The following CFAP299 variants were observed in gnomAD, a reference collection of about 807,000 sequenced individuals.
CFAP299 encodes the protein cilia- and flagella-associated protein 299.
In CFAP299, 21 loss-of-function variants were observed where a neutral mutation model predicts 27.0. That is an observed-to-expected ratio of 0.78 (90% CI 0.55 to 1.12). The LOEUF is 1.12. Ranked by LOEUF, CFAP299 falls within the 50% of genes most tolerant of loss-of-function variation. The pLI is 0.00. For synonymous variants in CFAP299, 104 were observed against 98.1 expected (o/e 1.06, Z -0.36); for missense variants, 310 against 276.6 (o/e 1.12, Z -0.86).
At chr4:80,889,683 G>A (rs566490411) in intron 4 of CFAP299, among the ~76,000 whole-genome samples, 3 of 151,946 alleles carry the variant, frequency 2.0e-5, no homozygotes, top group East Asian at 1.9e-4. Context: ...ATGGAAAACT[G>A]CAGGCCAATA....
At chr4:80,680,705 A>G (rs1339422353) in intron 3 of CFAP299, among the ~76,000 whole-genome samples, 4 of 152,156 alleles carry the variant, frequency 2.6e-5, no homozygotes, top group Non-Finnish European at 1.5e-5. Context: ...AGAAGAAAGA[A>G]TTTTCTAAAT....
At chr4:80,375,310 G>A (rs993880988) in intron 2 of CFAP299, among the ~76,000 whole-genome samples, 1 of 151,970 alleles carries the variant, frequency 6.6e-6, no homozygotes, top group African/African-American at 2.4e-5. Context: ...CATTGTTCTT[G>A]TATTCATTAT....
intron 3 of CFAP299, among the ~76,000 whole-genome samples, chr4:80,676,247 A>T (rs969277107): frequency 6.6e-6 from 1 of 152,170 alleles, no homozygotes; most frequent in African/African-American, 2.4e-5. Context: ...TGTTAGTGTG[A>T]TGTATCACAT....
intron 4 of CFAP299, among the ~76,000 whole-genome samples, chr4:80,885,987 G>A (rs973388448): frequency 3.3e-5 from 5 of 152,156 alleles, no homozygotes; most frequent in Admixed American, 3.3e-4. Context: ...CTTGAAGGGT[G>A]AGTCCCAGGC....
chr4:80,713,481 A>G (rs1157146647), intron 3 of CFAP299, among the ~76,000 whole-genome samples: 1 of 152,234 alleles, frequency 6.6e-6, no homozygotes, highest in African/African-American at 2.4e-5. Context: ...GTGGGAGGCT[A>G]TTAGAAGAAT....
At chr4:80,534,800 T>G (rs1049493471) in intron 2 of CFAP299, among the ~76,000 whole-genome samples, 5 of 152,176 alleles carry the variant, frequency 3.3e-5, no homozygotes, top group Admixed American at 1.3e-4. Context: ...GATATTATAA[T>G]GGCATCAGCC....
intron 2 of CFAP299, among the ~76,000 whole-genome samples, chr4:80,377,583 C>G (rs947951889): frequency 1.3e-5 from 2 of 151,686 alleles, no homozygotes; most frequent in African/African-American, 4.8e-5. Flanking sequence ...GGTTCCCTTG[C>G]TTTTCCATAT....
intron 3 of CFAP299, among the ~76,000 whole-genome samples, chr4:80,623,904 C>T (rs1560662489): frequency 6.6e-6 from 1 of 152,136 alleles, no homozygotes; most frequent in African/African-American, 2.4e-5. Context: ...CTAGACATCC[C>T]TTGTGGCAGG....
At chr4:80,429,559 A>G (rs966191819) in intron 2 of CFAP299, among the ~76,000 whole-genome samples, 42 of 152,084 alleles carry the variant, frequency 2.8e-4, no homozygotes, top group African/African-American at 9.9e-4. Context: ...TGTGAGCTCA[A>G]TTTTATGGAA....
At chr4:80,502,349 A>C (rs889816684) in intron 2 of CFAP299, among the ~76,000 whole-genome samples, 1 of 152,112 alleles carries the variant, frequency 6.6e-6, no homozygotes, top group Admixed American at 6.6e-5. Context: ...ATCAGTTTAC[A>C]TTAATGCCAT....
chr4:80,567,731 T>TTATATATATATATATATATATATA (rs10605376), intron 2 of CFAP299, among the ~76,000 whole-genome samples: 72 of 148,798 alleles, frequency 4.8e-4, no homozygotes, highest in African/African-American at 1.7e-3. Context: ...TCTAATGTAT[T>TTATATATATATATATATATATATA]TATATATATA....
intron 3 of CFAP299, among the ~76,000 whole-genome samples, chr4:80,844,900 A>C (rs1731085344): frequency 6.6e-6 from 1 of 152,178 alleles, no homozygotes; most frequent in African/African-American, 2.4e-5. Flanking sequence ...CTAACATGTA[A>C]GCCTTTAATC....
At chr4:80,436,592 G>A (rs1028253988) in intron 2 of CFAP299, among the ~76,000 whole-genome samples, 3 of 152,142 alleles carry the variant, frequency 2.0e-5, no homozygotes, top group Non-Finnish European at 4.4e-5. Flanking sequence ...GTGAGCCACC[G>A]TGCCTGGCCA....
rs542789290 is a variant in CFAP299, at chr4:80,857,664, T to C, written c.334-12329T>C. On this transcript the variant is annotated intron_variant, in intron 3 of 5. Coordinates refer to ENST00000358105, the MANE Select transcript of CFAP299 (RefSeq NM_152770.3). Reference sequence around the variant, plus strand: ...CCTTTTCTGCATCTATTGAGATAATTATGTGGTTTTTGTCTTTGGTTCTGT... The same window carrying C: ...CCTTTTCTGCATCTATTGAGATAATCATGTGGTTTTTGTCTTTGGTTCTGT... Among the ~76,000 whole-genome samples, 588 of 152,224 alleles carry C rather than the reference T, an allele frequency of 3.9e-3. 1 individual carries two copies. The highest frequency in any genetic ancestry group is 0.014 in the Middle Eastern group (4 of 294).
chr4:80,933,953 T>C (rs1736758691), intron 4 of CFAP299, among the ~76,000 whole-genome samples: 4 of 152,166 alleles, frequency 2.6e-5, no homozygotes. Flanking sequence ...GGCTAGGTCT[T>C]ACAGCACTAC....
intron 2 of CFAP299, among the ~76,000 whole-genome samples, chr4:80,413,750 C>CTTTTTTGTTTTTTTTTTTT (rs1726847653): frequency 9.2e-6 from 1 of 108,310 alleles, no homozygotes; most frequent in Non-Finnish European, 1.8e-5. Flanking sequence ...TTGTGTCATT[C>CTTTTTTGTTTTTTTTTTTT]TTTTTTTTTT....
intron 3 of CFAP299, among the ~76,000 whole-genome samples, chr4:80,823,428 T>A (rs1054295801): frequency 1.3e-5 from 2 of 152,186 alleles, no homozygotes; most frequent in African/African-American, 4.8e-5. Flanking sequence ...TTTTATTGCA[T>A]GTAAACAGGA....
At chr4:80,933,586 TA>T (rs1490488450) in intron 4 of CFAP299, among the ~76,000 whole-genome samples, 3 of 152,166 alleles carry the variant, frequency 2.0e-5, no homozygotes, top group Non-Finnish European at 4.4e-5. Context: ...GATATATTTC[TA>T]TTTTTTTATG....
intron 2 of CFAP299, among the ~76,000 whole-genome samples, chr4:80,497,687 T>C (rs1578517578): frequency 6.6e-6 from 1 of 152,146 alleles, no homozygotes; most frequent in East Asian, 1.9e-4. Flanking sequence ...CATTCCACTT[T>C]GAAACTTATT....
Sources: allele counts gnomAD v4.1 joint callset (sites outside exome capture counted in the v4.1 genomes callset), GRCh38; gene constraint gnomAD v4.1.1; transcripts MANE v1.5; gene names NCBI Gene and HGNC (gene_info 2026-07-23, HGNC 2026-07-21).